The following DIP2C variants were observed in gnomAD, a reference collection of about 807,000 sequenced individuals.
DIP2C encodes DIP2 acetate--CoA ligase C (putative).
Under a neutral mutation model 192.4 loss-of-function variants are expected in DIP2C, and 33 were observed. The observed-to-expected ratio is 0.17, with a 90% CI of 0.13 to 0.23. The LOEUF (loss-of-function observed/expected upper bound fraction) is 0.23. Among genes scored for constraint, DIP2C ranks in the 10% least tolerant of loss-of-function variants. The pLI is 1.00. For synonymous variants in DIP2C, 979 were observed against 864.1 expected (o/e 1.13, Z -2.33); for missense variants, 1,537 against 2,110.1 (o/e 0.73, Z 5.32).
chr10:661,675 G>C (rs1453774086), intron 1 of DIP2C, among the ~76,000 whole-genome samples: 1 of 152,162 alleles, frequency 6.6e-6, no homozygotes, highest in Non-Finnish European at 1.5e-5. Flanking sequence ...TTCCAAATGT[G>C]GGCTTTCCTT....
chr10:324,639 T>G (rs1313683098), intron 31 of DIP2C: 1 of 215,860 alleles, frequency 4.6e-6, no homozygotes, highest in Middle Eastern at 7.0e-4. Flanking sequence ...TGACCCATGA[T>G]TAGAATACTG....
chr10:553,872 A>G (rs555832199), intron 1 of DIP2C, among the ~76,000 whole-genome samples: 1 of 151,762 alleles, frequency 6.6e-6, no homozygotes, highest in East Asian at 1.9e-4. Context: ...CTAACAGTGA[A>G]CAGGCAAGAA....
At chr10:423,679 G>A (rs543892759) in intron 4 of DIP2C, among the ~76,000 whole-genome samples, 74 of 152,152 alleles carry the variant, frequency 4.9e-4, no homozygotes, top group Admixed American at 1.6e-3. Context: ...TGATTTGTGC[G>A]TTGGTGTGTT....
chr10:382,708 G>T lies in DIP2C; in HGVS notation c.1930C>A (p.Arg644=). ...FLNVFQSKGL[R]QEVICPCASS... ...GCACAAGGACAGATGACCTCCTGTC[G>T]AAGGCCTTTACTTTGGAAGACATTG... The change falls in exon 17 of 37, where the codon CGA becomes AGA. Residue 644 remains arginine, a synonymous_variant. Transcript: ENST00000280886. The T allele has an allele frequency of 6.2e-7, 1 of 1,613,864 alleles. No individual in the cohort carries two copies. The highest frequency in any genetic ancestry group is 1.3e-5 in the African/African-American group (1 of 75,034).
intron 1 of DIP2C, among the ~76,000 whole-genome samples, chr10:525,395 G>A (rs1455825779): frequency 6.6e-6 from 1 of 152,132 alleles, no homozygotes; most frequent in African/African-American, 2.4e-5. Flanking sequence ...GCGTATCTCA[G>A]AATGAAAATA....
Position 652,579 on chromosome 10 carries a change from T to G in DIP2C, c.85+36915A>C, listed in dbSNP as rs1042130204. The stretch of plus-strand genomic sequence containing the variant: ...GGCGGGACATGCTGGGATCTACCCA[T>G]GGCCAGGCCAAGCTGCGCCAATCAC... On this transcript the variant is annotated intron_variant, in intron 1 of 36. Transcript: ENST00000280886. This position sits in a 1 kb window ranked among gnomAD's most constrained non-coding sequence, Gnocchi z 4.5. The G allele has an allele frequency of 6.5e-6, 1 of 153,734 alleles. No homozygotes were observed. Among genetic ancestry groups the G allele is most frequent in the Non-Finnish European group, 1.5e-5 (1 of 68,946 alleles). 9.5% of individuals were successfully genotyped at this position (153,734 alleles called of 1,614,324 possible).
At chr10:382,871 G>C (rs978159450) in intron 16 of DIP2C, 110 bp from the exon 17 acceptor site, 5 of 619,094 alleles carry the variant, frequency 8.1e-6, no homozygotes, top group African/African-American at 5.6e-5. Flanking sequence ...AGTGGATCTA[G>C]GCAGCGTGGA....
chr10:356,166 C>T (rs1174698668), intron 24 of DIP2C: 1 of 581,300 alleles, frequency 1.7e-6, no homozygotes, highest in African/African-American at 1.9e-5. Flanking sequence ...TTGCAGATAT[C>T]ATTACTCATT....
At chr10:556,571 C>A (rs1160065025) in intron 1 of DIP2C, among the ~76,000 whole-genome samples, 4 of 151,324 alleles carry the variant, frequency 2.6e-5, no homozygotes, top group African/African-American at 9.7e-5. Context: ...CTCACAGACC[C>A]AGTCACTCCA....
At position 300,802 on chromosome 10, in the gene DIP2C, C is replaced by G. The variant is rs1319041761; in HGVS notation, c.3986+9229G>C. ...CCTGAGCGTGTGGAGAAGCCGGAAC[C>G]CAGGGGCGGCCCTGAGCGTGTGGAG... is the stretch of plus-strand genomic sequence containing the variant. On this transcript the variant is annotated intron_variant, in intron 32 of 36. Coordinates refer to ENST00000280886, the MANE Select transcript of DIP2C (RefSeq NM_014974.3). 6.0e-5 allele frequency among the ~76,000 whole-genome samples: 9 copies of G among 150,274 alleles called. No homozygotes were observed. In the East Asian group the frequency reaches 6.1e-4, roughly 10 times the overall value.
intron 3 of DIP2C, chr10:441,307 C>A (rs1489937617): frequency 1.0e-5 from 3 of 289,990 alleles, no homozygotes; most frequent in African/African-American, 6.5e-5. Flanking sequence ...GTAGGTCACA[C>A]GTTCGAGCCT....
intron 1 of DIP2C, among the ~76,000 whole-genome samples, chr10:527,992 C>T (rs377192716): frequency 6.6e-6 from 1 of 152,172 alleles, no homozygotes; most frequent in East Asian, 1.9e-4. Context: ...AAGCCTCCCC[C>T]GCCAGCATGG....
chr10:283,692 A>T (rs1177937222), intron 34 of DIP2C, among the ~76,000 whole-genome samples: 1 of 152,242 alleles, frequency 6.6e-6, no homozygotes, highest in African/African-American at 2.4e-5. Context: ...GGGGAACTGA[A>T]TTAAAGCAGA....
At chr10:686,529 C>G (rs1831344397) in intron 1 of DIP2C, among the ~76,000 whole-genome samples, 2 of 152,370 alleles carry the variant, frequency 1.3e-5, no homozygotes, top group South Asian at 4.1e-4. Flanking sequence ...GGCTCACACT[C>G]AGACCCAAGT....
intron 31 of DIP2C, among the ~76,000 whole-genome samples, chr10:323,728 T>C (rs1338136457): frequency 1.3e-5 from 2 of 152,222 alleles, no homozygotes; most frequent in Non-Finnish European, 2.9e-5. Context: ...TAAAATATTC[T>C]TTTATAAAGA....
intron 3 of DIP2C, among the ~76,000 whole-genome samples, chr10:471,342 A>T (rs1237001128): frequency 6.6e-6 from 1 of 152,158 alleles, no homozygotes; most frequent in Non-Finnish European, 1.5e-5. Context: ...GAAGCAGCTA[A>T]TCACATGAGC....
intron 3 of DIP2C, among the ~76,000 whole-genome samples, chr10:464,501 G>A (rs903923208): frequency 3.9e-5 from 6 of 152,194 alleles, no homozygotes; most frequent in African/African-American, 1.4e-4. Flanking sequence ...AACAACAGAT[G>A]CTGGAGAGGA....
At chr10:500,138 C>T (rs1002004006) in intron 1 of DIP2C, among the ~76,000 whole-genome samples, 2 of 152,252 alleles carry the variant, frequency 1.3e-5, no homozygotes, top group East Asian at 1.9e-4. Flanking sequence ...CCCTCCCCTA[C>T]ATCTGTACCT....
At position 579,273 on chromosome 10, in the gene DIP2C, TAC is replaced by T. The variant is rs1036940874; in HGVS notation, c.86-92745_86-92744del. ...CTAACATGTGTACATGCATACAGCA[TAC>T]ACACATCCAGATTCATGTAGTGTAC... On this transcript the variant is annotated intron_variant, in intron 1 of 36. Coordinates refer to ENST00000280886, the MANE Select transcript of DIP2C (RefSeq NM_014974.3). Among the ~76,000 whole-genome samples, 11 of 151,808 alleles carry T rather than the reference TAC, an allele frequency of 7.2e-5. 1 individual carries two copies. Among genetic ancestry groups the T allele is most frequent in the East Asian group, 3.9e-4 (2 of 5,122 alleles).
Sources: gnomAD v4.1 joint callset for allele counts (sites outside exome capture counted in the v4.1 genomes callset) on GRCh38, gnomAD v4.1.1 for gene constraint, Gnocchi (gnomAD v3.1) non-coding constraint, MANE v1.5 for transcripts, NCBI Gene and HGNC (gene_info 2026-07-23, HGNC 2026-07-21) for gene names.